EXOC4: variants seen among roughly 807,000 people sequenced by gnomAD.
The protein encoded by EXOC4 is exocyst complex component 4.
In EXOC4, 71 loss-of-function variants were observed where a neutral mutation model predicts 107.2. The observed-to-expected ratio is 0.66, with a 90% confidence interval of 0.55 to 0.81. The LOEUF (loss-of-function observed/expected upper bound fraction) is 0.81. Among genes scored for constraint, EXOC4 ranks in the 30% least tolerant of loss-of-function variants. EXOC4 has a pLI of 0.00. For synonymous variants in EXOC4, 456 were observed against 441.2 expected (o/e 1.03, Z -0.42); for missense variants, 1,108 against 1,189.6 (o/e 0.93, Z 1.01).
the EXOC4 span, among the ~76,000 whole-genome samples, chr7:134,081,581 A>C: frequency 6.6e-6 from 1 of 152,184 alleles, no homozygotes; most frequent in African/African-American, 2.4e-5. Context: ...CCTGGCACAT[A>C]ATAGATGGTC....
chr7:133,406,479 C>T (rs1316049932), intron 7 of EXOC4, among the ~76,000 whole-genome samples: 1 of 152,118 alleles, frequency 6.6e-6, no homozygotes, highest in East Asian at 1.9e-4. Flanking sequence ...TGGTTTTACC[C>T]TTAATGTTTT....
At chr7:134,090,397 G>C in the EXOC4 span, among the ~76,000 whole-genome samples, 1 of 152,196 alleles carries the variant, frequency 6.6e-6, no homozygotes, top group Non-Finnish European at 1.5e-5. Context: ...AGCCCATGCT[G>C]TATCCTAAGG....
intron 9 of EXOC4, among the ~76,000 whole-genome samples, chr7:133,517,847 T>C (rs1799907108): frequency 6.6e-6 from 1 of 152,148 alleles, no homozygotes; most frequent in African/African-American, 2.4e-5. Context: ...AATTAGAAAT[T>C]AGTCTTTCAC....
At chr7:133,548,916 C>T (rs773433239) in intron 9 of EXOC4, among the ~76,000 whole-genome samples, 29 of 152,222 alleles carry the variant, frequency 1.9e-4, no homozygotes, top group Non-Finnish European at 3.5e-4. Context: ...GCATTCGCAA[C>T]GTGGCTGTTT....
At chr7:133,633,066 A>G (rs150260425) in intron 10 of EXOC4, among the ~76,000 whole-genome samples, 46 of 152,298 alleles carry the variant, frequency 3.0e-4, no homozygotes, top group African/African-American at 1.1e-3. Flanking sequence ...TGATTATGCC[A>G]TGTCCTGGGG....
intron 14 of EXOC4, among the ~76,000 whole-genome samples, chr7:133,983,892 C>T (rs1794052739): frequency 6.6e-6 from 1 of 152,164 alleles, no homozygotes; most frequent in African/African-American, 2.4e-5. Flanking sequence ...CCCCTACCCA[C>T]CCTGTTTCTC....
chr7:133,663,725 A>G (rs1793749864), intron 10 of EXOC4, among the ~76,000 whole-genome samples: 1 of 152,146 alleles, frequency 6.6e-6, no homozygotes, highest in South Asian at 2.1e-4. Context: ...CACCACCTTC[A>G]TAACTACTGC....
chr7:133,869,696 C>A (rs1248235395), intron 11 of EXOC4, among the ~76,000 whole-genome samples: 1 of 151,922 alleles, frequency 6.6e-6, no homozygotes, highest in Non-Finnish European at 1.5e-5. Context: ...CTTCTCTAAA[C>A]TGGAATCATG....
At chr7:133,410,067 AC>A (rs1350399689) in intron 7 of EXOC4, among the ~76,000 whole-genome samples, 1 of 152,166 alleles carries the variant, frequency 6.6e-6, no homozygotes, top group Non-Finnish European at 1.5e-5. Context: ...GTTATATTTT[AC>A]CCAGGCCTCC....
intron 12 of EXOC4, among the ~76,000 whole-genome samples, chr7:133,914,552 A>G (rs958595614): frequency 2.0e-5 from 3 of 152,158 alleles, no homozygotes; most frequent in African/African-American, 7.2e-5. Flanking sequence ...TCAGAATCCC[A>G]CACCTCATGT....
chr7:133,480,696 A>G (rs901464783), intron 9 of EXOC4: 1 of 152,422 alleles, frequency 6.6e-6, no homozygotes, highest in Non-Finnish European at 1.5e-5. Flanking sequence ...AAATAAATAT[A>G]TTAGACTGAT....
chr7:133,515,605 T>C (rs1799860233), intron 9 of EXOC4, among the ~76,000 whole-genome samples: 1 of 152,040 alleles, frequency 6.6e-6, no homozygotes, highest in Non-Finnish European at 1.5e-5. Flanking sequence ...ATTAGCTGGG[T>C]CTGTAGGCAA....
At chr7:133,694,670 G>T (rs1212514729) in intron 10 of EXOC4, among the ~76,000 whole-genome samples, 4 of 152,102 alleles carry the variant, frequency 2.6e-5, no homozygotes, top group Non-Finnish European at 5.9e-5. Flanking sequence ...ATCAAGTCAA[G>T]GTAATTGGGA....
At chr7:133,427,243 T>C (rs1295986703) in intron 7 of EXOC4, among the ~76,000 whole-genome samples, 2 of 152,188 alleles carry the variant, frequency 1.3e-5, no homozygotes, top group Admixed American at 6.5e-5. Flanking sequence ...TATCCAACTT[T>C]ATAGGCTGTG....
intron 11 of EXOC4, among the ~76,000 whole-genome samples, chr7:133,839,106 T>A (rs1797974587): frequency 6.6e-6 from 1 of 152,234 alleles, no homozygotes; most frequent in South Asian, 2.1e-4. Flanking sequence ...AGATACCTTT[T>A]TTCCTCTAGA....
chr7:133,486,822 A>C (rs900411018), intron 9 of EXOC4, among the ~76,000 whole-genome samples: 1 of 152,082 alleles, frequency 6.6e-6, no homozygotes, highest in African/African-American at 2.4e-5. Context: ...TCTTATAATA[A>C]AGTTATAATA....
intron 7 of EXOC4, among the ~76,000 whole-genome samples, chr7:133,413,249 A>G (rs989344328): frequency 2.6e-5 from 4 of 152,098 alleles, no homozygotes; most frequent in Admixed American, 1.3e-4. Context: ...ATGAGCTCCA[A>G]TGAAGGTTAT....
intron 5 of EXOC4, among the ~76,000 whole-genome samples, chr7:133,322,620 G>A (rs1039575832): frequency 1.7e-4 from 26 of 152,114 alleles, no homozygotes; most frequent in East Asian, 3.9e-4. Context: ...GGTTACTGTC[G>A]CCTTCTAGTA....
chr7:133,992,974 A>G (rs1794298203), intron 14 of EXOC4, among the ~76,000 whole-genome samples: 1 of 151,788 alleles, frequency 6.6e-6, no homozygotes, highest in African/African-American at 2.4e-5. Flanking sequence ...ATTGAATTTT[A>G]TCAAGAACTT....
Sources: allele counts gnomAD v4.1 joint callset (sites outside exome capture counted in the v4.1 genomes callset), GRCh38; gene constraint gnomAD v4.1.1; transcripts MANE v1.5; gene names NCBI Gene and HGNC (gene_info 2026-07-23, HGNC 2026-07-21).